Variants in SATB1 observed in about 807,000 individuals in gnomAD.
SATB1 encodes SATB homeobox 1.
A neutral mutation model predicts 86.9 loss-of-function variants in SATB1; 11 were observed. The ratio of observed to expected loss-of-function variants is 0.13; its 90% CI spans 0.08 to 0.21. The LOEUF (loss-of-function observed/expected upper bound fraction) is 0.21, where lower values mean the gene tolerates loss of function less well. SATB1 is among the 10% of genes least tolerant of loss of function. The pLI is 1.00. For missense variants in SATB1, 551 were observed against 937.6 expected (o/e 0.59, Z 5.39); for synonymous variants, 357 against 357.2 (o/e 1.00, Z 0.01).
Position 18,424,423 on chromosome 3 carries a change from T to G in SATB1, c.-821A>C, listed in dbSNP as rs1305085194. On this transcript the variant is annotated 5_prime_UTR_variant, in exon 1 of 11. Coordinates refer to ENST00000338745, the MANE Select transcript of SATB1 (RefSeq NM_002971.6). ...GGCATCTAGCGGGGGACAGCGAGGGTGGGGGGCAGGGGGTCGCGAGAAAAG... is the reference window on the plus strand; with the variant it reads ...GGCATCTAGCGGGGGACAGCGAGGGGGGGGGGCAGGGGGTCGCGAGAAAAG... 2.0e-5 allele frequency: 3 copies of G among 149,304 alleles called. No homozygotes were observed. Among genetic ancestry groups the G allele is most frequent in the African/African-American group, 7.4e-5 (3 of 40,368 alleles). The allele number at this position is 149,304 out of a possible 1,614,324, so 9.2% of individuals were successfully genotyped here.
intron 9 of SATB1, among the ~76,000 whole-genome samples, chr3:18,360,474 C>CTA (rs1694854372): frequency 6.6e-6 from 1 of 151,872 alleles, no homozygotes; most frequent in South Asian, 2.1e-4. Context: ...GCCCTACATT[C>CTA]TATTCTCCAT....
chr3:18,402,405 G>C (rs1173123078), intron 5 of SATB1, among the ~76,000 whole-genome samples: 1 of 152,056 alleles, frequency 6.6e-6, no homozygotes. Flanking sequence ...AACTGTTCAT[G>C]CTTTTCTGCC....
Position 18,349,514 on chromosome 3 carries a change from T to C in SATB1, c.1948A>G (p.Lys650Glu). The change falls in exon 11 of 11, where the codon AAA becomes GAA. Residue 650 changes from lysine (K) to glutamate (E), a missense_variant. This residue lies in a region of SATB1 where 87 missense variants were observed against 103.6 expected (regional missense o/e 0.84). Coordinates refer to ENST00000338745, the MANE Select transcript of SATB1 (RefSeq NM_002971.6). This position sits in a 1 kb window ranked among gnomAD's most constrained non-coding sequence, Gnocchi z 5.5. ...ENRQKTRPRT[K>E]ISVEALGILQ... Reference sequence around the variant, plus strand: ...ATTCCCAAGGCTTCCACTGAAATTTTTGTTCGTGGCCGGGTCTTCTGTCGG... The same window carrying C: ...ATTCCCAAGGCTTCCACTGAAATTTCTGTTCGTGGCCGGGTCTTCTGTCGG... 6.2e-7 allele frequency: 1 copy of C among 1,614,152 alleles called. No individual in the cohort carries two copies.
intron 2 of SATB1, chr3:18,434,933 A>C (rs1435364668): frequency 6.6e-6 from 1 of 152,096 alleles, no homozygotes; most frequent in East Asian, 1.9e-4. Context: ...GTTACATCTG[A>C]ATTCATGCAT....
intron 5 of SATB1, among the ~76,000 whole-genome samples, chr3:18,405,753 A>AC (rs1697500213): frequency 1.3e-5 from 2 of 151,962 alleles, no homozygotes; most frequent in South Asian, 4.2e-4. Flanking sequence ...GGGTCCATGG[A>AC]CCCCTCTCAG....
intron 9 of SATB1, among the ~76,000 whole-genome samples, chr3:18,361,462 T>G (rs1694903836): frequency 6.6e-6 from 1 of 152,250 alleles, no homozygotes; most frequent in East Asian, 1.9e-4. Context: ...ATGAAAATAA[T>G]TCAGTTATAA....
intron 9 of SATB1, among the ~76,000 whole-genome samples, chr3:18,356,023 A>T (rs1053319603): frequency 5.9e-5 from 9 of 152,122 alleles, no homozygotes; most frequent in African/African-American, 2.2e-4. Context: ...TTCTGTTCTA[A>T]ACCCTTTGTT....
chr3:18,397,156 G>T, intron 6 of SATB1, 23 bp downstream of exon 6: 1 of 1,302,222 alleles, frequency 7.7e-7, no homozygotes, highest in Non-Finnish European at 1.1e-6. Context: ...TGTAGCCACT[G>T]CTGCAATGTT....
chr3:18,388,165 G>A (rs1696439820), intron 7 of SATB1, among the ~76,000 whole-genome samples: 1 of 152,082 alleles, frequency 6.6e-6, no homozygotes, highest in Admixed American at 6.6e-5. Context: ...AACGAGTAAT[G>A]CTGTAACTGT....
At chr3:18,379,237 C>T (rs1390087361) in intron 8 of SATB1, among the ~76,000 whole-genome samples, 1 of 152,142 alleles carries the variant, frequency 6.6e-6, no homozygotes, top group Non-Finnish European at 1.5e-5. Flanking sequence ...TGTACTGATA[C>T]TATAATTCAT....
At chr3:18,405,609 G>A (rs1697491013) in intron 5 of SATB1, among the ~76,000 whole-genome samples, 1 of 151,828 alleles carries the variant, frequency 6.6e-6, no homozygotes, top group South Asian at 2.1e-4. Flanking sequence ...AAAAATTGGA[G>A]GTAAAATACC....
chr3:18,416,734 G>A (rs1395163181), intron 3 of SATB1, among the ~76,000 whole-genome samples, 168 bp downstream of exon 3: 1 of 152,054 alleles, frequency 6.6e-6, no homozygotes, highest in Non-Finnish European at 1.5e-5. Flanking sequence ...CAAAATGTGT[G>A]TTAACTAAAC....
chr3:18,391,877 GTGTA>G (rs1696693530), intron 7 of SATB1, among the ~76,000 whole-genome samples: 2 of 152,120 alleles, frequency 1.3e-5, no homozygotes, highest in South Asian at 4.1e-4. Context: ...AAATGCAGCT[GTGTA>G]TGTATGTGTG....
Position 18,345,634 on chromosome 3 carries a change from GA to G in SATB1, c.*3535del, listed in dbSNP as rs959709581. 5 of 151,832 alleles carry G rather than the reference GA, an allele frequency of 3.3e-5. No individual in the cohort carries two copies. Among genetic ancestry groups the G allele is most frequent in the African/African-American group, 1.2e-4 (5 of 41,398 alleles). The allele number at this position is 151,832 out of a possible 1,614,324, so 9.4% of individuals were successfully genotyped here. On this transcript the variant is annotated 3_prime_UTR_variant, in exon 11 of 11. Coordinates refer to ENST00000338745, the MANE Select transcript of SATB1 (RefSeq NM_002971.6). ...TTAAAAAGTCAAAAATATGCATAAA[GA>G]AGACTAGTATTGATATTTTCTGATA...
intron 5 of SATB1, chr3:18,411,073 T>C (rs1697808689): frequency 5.1e-6 from 2 of 391,730 alleles, no homozygotes; most frequent in Non-Finnish European, 9.0e-6. Context: ...AAAAGGAAAG[T>C]TGGAAAATCA....
intron 10 of SATB1, chr3:18,351,225 AG>A: frequency 9.5e-7 from 1 of 1,056,216 alleles, no homozygotes; most frequent in Non-Finnish European, 1.4e-6. Flanking sequence ...GGGCCTTTAC[AG>A]GTTTGAAAAT....
chr3:18,354,573 T>C (rs1323142352), intron 9 of SATB1, among the ~76,000 whole-genome samples: 1 of 152,128 alleles, frequency 6.6e-6, no homozygotes, highest in Non-Finnish European at 1.5e-5. Context: ...TGCTTGTAAC[T>C]AAAAATTGCT....
At chr3:18,357,022 C>G (rs975386083) in intron 9 of SATB1, among the ~76,000 whole-genome samples, 1 of 151,362 alleles carries the variant, frequency 6.6e-6, no homozygotes, top group African/African-American at 2.4e-5. Context: ...AAACTAAGAG[C>G]TATAAAAAGA....
At chr3:18,428,302 C>G (rs529372128), upstream of SATB1, among the ~76,000 whole-genome samples, 1 of 152,168 alleles carries the variant, frequency 6.6e-6, no homozygotes, top group African/African-American at 2.4e-5. Context: ...GCCAACAGTC[C>G]CACTCCCATG....
Sources: allele counts gnomAD v4.1 joint callset (sites outside exome capture counted in the v4.1 genomes callset), GRCh38; gene constraint gnomAD v4.1.1; regional missense constraint gnomAD v4.1.1; non-coding constraint Gnocchi (gnomAD v3.1); transcripts MANE v1.5; gene names NCBI Gene and HGNC (gene_info 2026-07-23, HGNC 2026-07-21).